The following SFMBT1 variants were observed in gnomAD, a reference collection of about 807,000 sequenced individuals.
The protein encoded by SFMBT1 is Scm like with four mbt domains 1.
A neutral mutation model predicts 108.7 loss-of-function variants in SFMBT1; 32 were observed. The observed-to-expected ratio is 0.29, with a 90% confidence interval of 0.22 to 0.40. The LOEUF (loss-of-function observed/expected upper bound fraction) is 0.40, where lower values mean the gene tolerates loss of function less well. Ranked by LOEUF, SFMBT1 falls within the 10% of genes least tolerant of loss-of-function variation. The probability of loss-of-function intolerance (pLI) is 1.00; values close to 1 mark genes in which losing one functional copy is unlikely to be tolerated. For synonymous variants in SFMBT1, 348 were observed against 369.5 expected (o/e 0.94, Z 0.67); for missense variants, 816 against 1,059.6 (o/e 0.77, Z 3.19).
chr3:52,908,072 CTTTTTTT>C (rs917544866), intron 17 of SFMBT1, among the ~76,000 whole-genome samples: 11 of 134,508 alleles, frequency 8.2e-5, no homozygotes, highest in African/African-American at 2.7e-4. Flanking sequence ...TTGTGTGTGA[CTTTTTTT>C]TTTTTTTTTT....
chr3:52,989,579 T>A (rs1311397883), intron 1 of SFMBT1, among the ~76,000 whole-genome samples: 1 of 152,080 alleles, frequency 6.6e-6, no homozygotes, highest in South Asian at 2.1e-4. Context: ...AGTGGGCAGA[T>A]CACGAGGTCA....
intron 12 of SFMBT1, among the ~76,000 whole-genome samples, chr3:52,918,789 G>C (rs1225927656): frequency 6.6e-6 from 1 of 151,986 alleles, no homozygotes; most frequent in African/African-American, 2.4e-5. Context: ...AGGCTCCCTG[G>C]GTCAGTAAGT....
At chr3:53,006,138 A>G (rs536626696) in intron 1 of SFMBT1, among the ~76,000 whole-genome samples, 1 of 152,348 alleles carries the variant, frequency 6.6e-6, no homozygotes, top group East Asian at 1.9e-4. Context: ...AGAAAAGACT[A>G]GAAAGCTAGG....
chr3:52,960,914 C>G (rs1457297397), intron 2 of SFMBT1, among the ~76,000 whole-genome samples: 2 of 152,164 alleles, frequency 1.3e-5, no homozygotes, highest in African/African-American at 4.8e-5. Flanking sequence ...AGGCAGAGGA[C>G]AGCTTAAGCC....
chr3:53,036,175 C>T (rs1037075322), intron 1 of SFMBT1, among the ~76,000 whole-genome samples: 1 of 152,188 alleles, frequency 6.6e-6, no homozygotes, highest in Non-Finnish European at 1.5e-5. Flanking sequence ...ATGCAGAATC[C>T]ACTGGGAAGG....
rs975637114 is a variant in SFMBT1, at chr3:53,008,052, T to C, written c.-131+37764A>G. 2.1e-5 allele frequency among the ~76,000 whole-genome samples: 3 copies of C among 142,142 alleles called. No individual in the cohort carries two copies. The Admixed American group carries it at 2.2e-4, about 10-fold the overall frequency. 93.3% of individuals were successfully genotyped at this position (142,142 alleles called of 152,430 possible). A position where few individuals can be genotyped will look rare whatever the true frequency, so the allele number is the denominator to read the frequency against. On this transcript the variant is annotated intron_variant, in intron 1 of 20. Transcript: ENST00000394752. ...CATGTGAATCTGAACTGAATCCTTTTGCTTGCCCCACCCCCGCAAAAAAAA... is the reference window on the plus strand; with the variant it reads ...CATGTGAATCTGAACTGAATCCTTTCGCTTGCCCCACCCCCGCAAAAAAAA...
intron 17 of SFMBT1, among the ~76,000 whole-genome samples, chr3:52,909,821 C>G (rs1702174509): frequency 6.6e-6 from 1 of 152,148 alleles, no homozygotes; most frequent in East Asian, 1.9e-4. Flanking sequence ...CTATGTGACC[C>G]CTGCCCCAGT....
intron 4 of SFMBT1, among the ~76,000 whole-genome samples, chr3:52,942,591 C>CT (rs780641378): frequency 2.6e-5 from 4 of 152,222 alleles, no homozygotes; most frequent in Non-Finnish European, 4.4e-5. Flanking sequence ...CGGCTCAATG[C>CT]AACGGCCGCC....
chr3:52,999,149 T>C (rs903816242), intron 1 of SFMBT1, among the ~76,000 whole-genome samples: 2 of 150,822 alleles, frequency 1.3e-5, no homozygotes, highest in Non-Finnish European at 3.0e-5. Context: ...GATCCAGGCC[T>C]TCGCCAACAG....
At chr3:52,940,757 C>G (rs1262294291) in intron 4 of SFMBT1, among the ~76,000 whole-genome samples, 1 of 152,072 alleles carries the variant, frequency 6.6e-6, no homozygotes, top group Non-Finnish European at 1.5e-5. Context: ...TATCTTCCAA[C>G]AAGACACTAA....
intron 8 of SFMBT1, among the ~76,000 whole-genome samples, chr3:52,929,283 A>G (rs761807133): frequency 1.3e-5 from 2 of 152,186 alleles, no homozygotes; most frequent in Non-Finnish European, 2.9e-5. Flanking sequence ...CTTGTTGCCC[A>G]GGCTGGAGTG....
In SFMBT1 at chr3:52,928,206, T is replaced by C; in HGVS notation, c.1033A>G (p.Ile345Val). Residue 345 changes from isoleucine to valine, a missense_variant, in exon 9 of 21, where the codon ATC becomes GTC. By Grantham distance (29) the Ile-to-Val change is conservative. Coordinates refer to ENST00000394752, the MANE Select transcript of SFMBT1 (RefSeq NM_016329.4). Reference protein sequence around the residue: ...VQWSLKNGLHISPPPGYPSQD... With the variant: ...VQWSLKNGLHVSPPPGYPSQD... ...GAATGTGCACCTGGAGGGGGGCTGA[T>C]GTGTAGGCCATTCTTCAGACTCCAC... The C allele has an allele frequency of 6.2e-7, 1 of 1,612,564 alleles. No homozygotes were observed. Among genetic ancestry groups the C allele is most frequent in the Middle Eastern group, 1.7e-4 (1 of 6,054 alleles).
rs780876209 is a variant in SFMBT1 at position 53,001,920 on chromosome 3, G to GTCTC, written c.-130-32666_-130-32663dup. Among the ~76,000 whole-genome samples, 281 of 61,794 alleles carry GTCTC rather than the reference G, an allele frequency of 4.5e-3. 7 individuals carry two copies. The highest frequency in any genetic ancestry group is 0.021 in the Admixed American group (85 of 4,030). 40.5% of individuals were successfully genotyped at this position (61,794 alleles called of 152,430 possible). Reference sequence around the variant, plus strand: ...GGCCTGGGCAACAGAGCAAGACCCAGTCTCTCACACACACACACACACACA... The same window carrying GTCTC: ...GGCCTGGGCAACAGAGCAAGACCCAGTCTCTCTCTCACACACACACACACACACA... On this transcript the variant is annotated intron_variant, in intron 1 of 20. Transcript: ENST00000394752.
intron 3 of SFMBT1, among the ~76,000 whole-genome samples, chr3:52,950,132 A>G (rs1703522445): frequency 6.6e-6 from 1 of 152,106 alleles, no homozygotes; most frequent in Non-Finnish European, 1.5e-5. Flanking sequence ...TATCTACCAT[A>G]TATGTTAGTG....
chr3:52,959,850 T>TTTGTTGTTG (rs369557544), intron 2 of SFMBT1, among the ~76,000 whole-genome samples: 4 of 151,722 alleles, frequency 2.6e-5, no homozygotes, highest in African/African-American at 9.7e-5. Flanking sequence ...GGATGGTTGT[T>TTTGTTGTTG]TTGTTGTTGT....
chr3:52,982,729 CAAAAAAAAAAAAAA>C (rs34099481), intron 1 of SFMBT1, among the ~76,000 whole-genome samples: 3 of 69,124 alleles, frequency 4.3e-5, no homozygotes, highest in African/African-American at 1.3e-4. Flanking sequence ...ACTCCCATCT[CAAAAAAAAAAAAAA>C]AAAAAAAAAA....
intron 1 of SFMBT1, among the ~76,000 whole-genome samples, chr3:53,012,117 G>T (rs1184112860): frequency 6.6e-6 from 1 of 152,168 alleles, no homozygotes; most frequent in Non-Finnish European, 1.5e-5. Flanking sequence ...CTCTCACAAA[G>T]AGGAGTGCAC....
At chr3:52,979,929 G>C (rs574848535) in intron 1 of SFMBT1, among the ~76,000 whole-genome samples, 1 of 152,104 alleles carries the variant, frequency 6.6e-6, no homozygotes, top group Non-Finnish European at 1.5e-5. Context: ...AACTACATGG[G>C]TCCACTTACA....
intron 4 of SFMBT1, among the ~76,000 whole-genome samples, chr3:52,935,856 T>G (rs548224915): frequency 1.3e-5 from 2 of 152,186 alleles, no homozygotes; most frequent in African/African-American, 4.8e-5. Flanking sequence ...GTCCCTACTC[T>G]CTCTTTTTTT....
Sources: allele counts gnomAD v4.1 joint callset (sites outside exome capture counted in the v4.1 genomes callset), GRCh38; gene constraint gnomAD v4.1.1; transcripts MANE v1.5; gene names NCBI Gene and HGNC (gene_info 2026-07-23, HGNC 2026-07-21).